The following PDE6C variants were observed in gnomAD, a reference collection of about 807,000 sequenced individuals.
PDE6C encodes phosphodiesterase 6C.
PDE6C carries 75 observed loss-of-function variants against 113.1 expected under a neutral mutation model. That is an observed-to-expected ratio of 0.66 (90% CI 0.55 to 0.80). PDE6C has a LOEUF of 0.80. Among genes scored for constraint, PDE6C ranks in the 30% least tolerant of loss-of-function variants. The probability of loss-of-function intolerance (pLI) is 0.00; values close to 1 mark genes in which losing one functional copy is unlikely to be tolerated. For missense variants in PDE6C, 912 were observed against 1,038.6 expected (o/e 0.88, Z 1.67); for synonymous variants, 375 against 363.7 (o/e 1.03, Z -0.35).
At chr10:93,648,769 A>G (rs1263597158) in intron 15 of PDE6C, among the ~76,000 whole-genome samples, 1 of 152,218 alleles carries the variant, frequency 6.6e-6, no homozygotes, top group Non-Finnish European at 1.5e-5. Context: ...TTAATACTAG[A>G]ATATACTGTA....
intron 7 of PDE6C, among the ~76,000 whole-genome samples, chr10:93,628,522 T>G (rs1175137961): frequency 1.3e-5 from 2 of 152,026 alleles, no homozygotes; most frequent in African/African-American, 4.8e-5. Flanking sequence ...GAGGTGGAGG[T>G]TGCAGAGAGC....
chr10:93,663,317 G>C lies in PDE6C; in HGVS notation c.2518+139G>C, dbSNP rs185336708. On this transcript the variant is annotated intron_variant, in intron 21 of 21. Coordinates refer to ENST00000371447, the MANE Select transcript of PDE6C (RefSeq NM_006204.4). Reference sequence around the variant, plus strand: ...TGCAGACTGATCATTTTAACAGGCCGATTAGTGGTTTTCAGGTCCCCCTGG... The same window carrying C: ...TGCAGACTGATCATTTTAACAGGCCCATTAGTGGTTTTCAGGTCCCCCTGG... The C allele has an allele frequency of 8.2e-6, 7 of 850,314 alleles. No homozygotes were observed. In the African/African-American group the frequency reaches 8.4e-5, roughly 10 times the overall value. The allele number at this position is 850,314 out of a possible 1,614,324, so 52.7% of individuals were successfully genotyped here. A position where few individuals can be genotyped will look rare whatever the true frequency, so the allele number is the denominator to read the frequency against.
chr10:93,628,453 TG>T (rs2058484861), intron 7 of PDE6C, among the ~76,000 whole-genome samples: 1 of 151,956 alleles, frequency 6.6e-6, no homozygotes, highest in Non-Finnish European at 1.5e-5. Context: ...GGCTTGGTGG[TG>T]GGTGCCTGTA....
chr10:93,664,082 C>T (rs929393830), intron 21 of PDE6C, among the ~76,000 whole-genome samples: 1 of 152,144 alleles, frequency 6.6e-6, no homozygotes, highest in Admixed American at 6.6e-5. Context: ...TCCTTGATAT[C>T]CATTCACTTA....
intron 15 of PDE6C, among the ~76,000 whole-genome samples, chr10:93,652,752 C>G (rs142130222): frequency 2.0e-5 from 3 of 152,166 alleles, no homozygotes; most frequent in East Asian, 3.9e-4. Flanking sequence ...CAACAAGTGT[C>G]CAGGTTTACA....
rs1224381455 is a variant in PDE6C, at chr10:93,653,682, A to AC, written c.1936-2078_1936-2077insC. 4.0e-3 allele frequency among the ~76,000 whole-genome samples: 611 copies of AC among 151,956 alleles called. 4 individuals carry two copies. Among genetic ancestry groups the AC allele is most frequent in the African/African-American group, 0.014 (581 of 41,372 alleles). Reference sequence around the variant, plus strand: ...AACAAAAACAAAAACAAAAACAAAAAAAAACATTGATTTTGATCCAGATAA... The same window carrying AC: ...AACAAAAACAAAAACAAAAACAAAAACAAAACATTGATTTTGATCCAGATAA... On this transcript the variant is annotated intron_variant, in intron 15 of 21. Transcript: ENST00000371447.
chr10:93,661,301 A>T (rs1399551783), intron 18 of PDE6C, among the ~76,000 whole-genome samples: 1 of 152,200 alleles, frequency 6.6e-6, no homozygotes, highest in African/African-American at 2.4e-5. Context: ...GAAGCTTTGT[A>T]CGTTCCATTT....
intron 1 of PDE6C, among the ~76,000 whole-genome samples, chr10:93,618,866 C>T (rs1029230930): frequency 2.6e-5 from 4 of 152,206 alleles, no homozygotes; most frequent in Admixed American, 2.0e-4. Context: ...AGAAAATTCT[C>T]ACATTTTTTT....
In PDE6C at chr10:93,655,757, C is replaced by T; in HGVS notation, c.1936-3C>T. The T allele has an allele frequency of 6.7e-7, 1 of 1,503,026 alleles. No individual in the cohort carries two copies. Among genetic ancestry groups the T allele is most frequent in the Non-Finnish European group, 9.3e-7 (1 of 1,079,064 alleles). 93.1% of individuals were successfully genotyped at this position (1,503,026 alleles called of 1,614,324 possible). On this transcript the variant is annotated splice_region_variant and splice_polypyrimidine_tract_variant and intron_variant, in intron 15 of 21. Coordinates refer to ENST00000371447, the MANE Select transcript of PDE6C (RefSeq NM_006204.4). ...CATTTTATTGTGAATTTTCATCTTA[C>T]AGAGTTTAAACATCTTCCAGAACCT...
Position 93,637,106 on chromosome 10 carries a change from C to T in PDE6C, c.1482+43C>T, listed in dbSNP as rs768910016. On this transcript the variant is annotated intron_variant, in intron 11 of 21. Transcript: ENST00000371447. ...AACCTTAATGCCTGTTAAATAGAGG[C>T]ATTATAAATCAATAATATATTAGGA... The T allele has an allele frequency of 8.4e-6, 8 of 955,126 alleles. No individual in the cohort carries two copies. In the East Asian group the frequency reaches 1.2e-4, roughly 14 times the overall value. The allele number at this position is 955,126 out of a possible 1,614,324, so 59.2% of individuals were successfully genotyped here.
intron 14 of PDE6C, among the ~76,000 whole-genome samples, chr10:93,641,385 C>T (rs1407971466): frequency 6.6e-6 from 1 of 152,176 alleles, no homozygotes; most frequent in Non-Finnish European, 1.5e-5. Context: ...GAAATCCCAG[C>T]ACTTTGGGAG....
At chr10:93,654,108 T>C (rs552237274) in intron 15 of PDE6C, among the ~76,000 whole-genome samples, 1 of 152,346 alleles carries the variant, frequency 6.6e-6, no homozygotes, top group South Asian at 2.1e-4. Flanking sequence ...GATTTACAGT[T>C]TTAAAATGCA....
intron 15 of PDE6C, among the ~76,000 whole-genome samples, chr10:93,654,833 G>T (rs2058629036): frequency 1.7e-5 from 2 of 120,090 alleles, no homozygotes. Context: ...TTTGAAACAG[G>T]GTCTCTCTCT....
intron 8 of PDE6C, among the ~76,000 whole-genome samples, chr10:93,632,023 A>G (rs2058504113): frequency 6.6e-6 from 1 of 151,842 alleles, no homozygotes; most frequent in Non-Finnish European, 1.5e-5. Flanking sequence ...TCTGGGGATA[A>G]TTCATCTCCT....
At chr10:93,657,541 T>C (rs1036054650) in intron 16 of PDE6C, among the ~76,000 whole-genome samples, 1 of 152,084 alleles carries the variant, frequency 6.6e-6, no homozygotes, top group Admixed American at 6.6e-5. Flanking sequence ...CATACCTTTC[T>C]GCAACTTGCT....
intron 18 of PDE6C, among the ~76,000 whole-genome samples, chr10:93,661,681 TCAC>T (rs1262680257): frequency 6.6e-6 from 1 of 152,194 alleles, no homozygotes; most frequent in East Asian, 1.9e-4. Context: ...TGGGTGTATG[TCAC>T]ATGTGCATTC....
intron 15 of PDE6C, among the ~76,000 whole-genome samples, chr10:93,654,805 T>TCTTC (rs2058628119): frequency 1.1e-5 from 1 of 92,526 alleles, no homozygotes; most frequent in Non-Finnish European, 2.4e-5. Context: ...TTTCTTTCTT[T>TCTTC]CTTTCTTTTT....
intron 7 of PDE6C, among the ~76,000 whole-genome samples, chr10:93,627,767 A>C (rs978245832): frequency 2.6e-5 from 4 of 152,244 alleles, no homozygotes; most frequent in African/African-American, 9.6e-5. Context: ...CAAATGATGT[A>C]ATTTATTCAA....
chr10:93,630,477 A>T (rs1368657684), intron 8 of PDE6C, among the ~76,000 whole-genome samples: 1 of 132,670 alleles, frequency 7.5e-6, no homozygotes, highest in African/African-American at 2.9e-5. Context: ...CCCACTCCCC[A>T]CCTGTCACCT....
Sources: gnomAD v4.1 joint callset for allele counts (sites outside exome capture counted in the v4.1 genomes callset) on GRCh38, gnomAD v4.1.1 for gene constraint, MANE v1.5 for transcripts, NCBI Gene and HGNC (gene_info 2026-07-23, HGNC 2026-07-21) for gene names.